TGFBR1: variants seen among roughly 807,000 people sequenced by gnomAD.
TGFBR1 encodes the protein transforming growth factor beta receptor 1.
In TGFBR1, 20 loss-of-function variants were observed where a neutral mutation model predicts 55.1. The ratio of observed to expected loss-of-function variants is 0.36; its 90% CI spans 0.26 to 0.53. The LOEUF is 0.53. Ranked by LOEUF, TGFBR1 falls within the 20% of genes least tolerant of loss-of-function variation. TGFBR1 has a pLI of 0.91. For synonymous variants in TGFBR1, 220 were observed against 214.8 expected, an observed-to-expected ratio of 1.02 and a Z score of -0.21; for missense variants, 385 against 617.6, an observed-to-expected ratio of 0.62 and a Z score of 3.99.
At chr9:99,141,120 T>C (rs1006306234) in intron 4 of TGFBR1, among the ~76,000 whole-genome samples, 117 of 152,352 alleles carry the variant, frequency 7.7e-4, no homozygotes, top group African/African-American at 2.6e-3. Flanking sequence ...ACCTGTGGTT[T>C]CCCTTTCTTC....
intron 6 of TGFBR1, among the ~76,000 whole-genome samples, chr9:99,146,194 G>A (rs1008433753): frequency 6.6e-6 from 1 of 152,028 alleles, no homozygotes; most frequent in Non-Finnish European, 1.5e-5. Context: ...GTGTATAGGT[G>A]GTGTACATTA....
In TGFBR1 at chr9:99,152,231, G is replaced by C. The variant is rs1827999144; in HGVS notation, c.*2926G>C. The C allele has an allele frequency of 1.4e-5, 3 of 213,190 alleles. No individual in the cohort carries two copies. The highest frequency in any genetic ancestry group is 2.8e-5 in the Non-Finnish European group (3 of 105,326). The allele number at this position is 213,190 out of a possible 1,614,324, so 13.2% of individuals were successfully genotyped here. A position where few individuals can be genotyped will look rare whatever the true frequency, so the allele number is the denominator to read the frequency against. On this transcript the variant is annotated 3_prime_UTR_variant, in exon 9 of 9. Coordinates refer to ENST00000374994, the MANE Select transcript of TGFBR1 (RefSeq NM_004612.4). ...AGAGGTGGAAGGGAGGGGTCTCCAA[G>C]TTTGGAGATTGAGCAGATGAGGCTT...
chr9:99,111,187 T>A (rs1396906288), intron 1 of TGFBR1, among the ~76,000 whole-genome samples: 4 of 152,088 alleles, frequency 2.6e-5, no homozygotes, highest in Non-Finnish European at 5.9e-5. Context: ...TCATAGCAAA[T>A]TCTTTTCTTC....
chr9:99,125,967 A>G (rs994221902), intron 1 of TGFBR1, among the ~76,000 whole-genome samples: 3 of 152,210 alleles, frequency 2.0e-5, no homozygotes, highest in African/African-American at 4.8e-5. Context: ...ACAGCAAGCT[A>G]TAAATAGATT....
At chr9:99,139,901 A>G (rs1429659825) in intron 4 of TGFBR1, among the ~76,000 whole-genome samples, 2 of 152,052 alleles carry the variant, frequency 1.3e-5, no homozygotes, top group Non-Finnish European at 2.9e-5. Flanking sequence ...CACATTCTGG[A>G]TTTTGCTGAT....
At chr9:99,118,105 A>T (rs1296758769) in intron 1 of TGFBR1, among the ~76,000 whole-genome samples, 1 of 152,154 alleles carries the variant, frequency 6.6e-6, no homozygotes, top group East Asian at 1.9e-4. Context: ...TTAGATTTTT[A>T]AAAAACGTTT....
intron 1 of TGFBR1, among the ~76,000 whole-genome samples, chr9:99,107,405 C>A (rs186304139): frequency 1.7e-3 from 252 of 152,334 alleles, no homozygotes; most frequent in African/African-American, 5.5e-3. Flanking sequence ...GATTCCTTAT[C>A]CCTAGTGCAC....
intron 2 of TGFBR1, among the ~76,000 whole-genome samples, chr9:99,130,686 A>G (rs1827196102): frequency 6.6e-6 from 1 of 152,224 alleles, no homozygotes; most frequent in African/African-American, 2.4e-5. Flanking sequence ...AAAATTACCA[A>G]TGAAAAGTTA....
chr9:99,116,097 G>T (rs370737287), intron 1 of TGFBR1, among the ~76,000 whole-genome samples: 4 of 149,496 alleles, frequency 2.7e-5, no homozygotes, highest in Admixed American at 2.7e-4. Flanking sequence ...CTCTTATTTC[G>T]ATGCATGTAT....
In TGFBR1 at chr9:99,147,774, A is replaced by C; in HGVS notation, c.1376A>C (p.Gln459Pro). The part of the protein sequence containing the change: ...KLRPNIPNRW[Q>P]SCEALRVMAK... ...AGGCCAAATATCCCAAACAGATGGC[A>C]GAGCTGTGAAGTGAGTATTTCTTTT... is the stretch of plus-strand genomic sequence containing the variant. The change falls in exon 8 of 9, where the codon CAG (glutamine) becomes CCG (proline). Residue 459 changes from glutamine (Q) to proline (P), a missense_variant. Around this residue, in one of 5 missense-constraint regions of TGFBR1, gnomAD observed 110 missense variants for 154.6 expected, o/e 0.71. Coordinates refer to ENST00000374994, the MANE Select transcript of TGFBR1 (RefSeq NM_004612.4). 1 of 1,613,844 alleles carries C rather than the reference A, an allele frequency of 6.2e-7. No homozygotes were observed. The highest frequency in any genetic ancestry group is 8.5e-7 in the Non-Finnish European group (1 of 1,179,816).
At position 99,105,150 on chromosome 9, in the gene TGFBR1, G is replaced by C; in HGVS notation, c.-56G>C. On this transcript the variant is annotated 5_prime_UTR_variant, in exon 1 of 9. Coordinates refer to ENST00000374994, the MANE Select transcript of TGFBR1 (RefSeq NM_004612.4). Reference sequence around the variant, plus strand: ...GGTGGGGCGAGGCGAGGTTTGCTGGGGTGAGGCAGCGGCGCGGCCGGGCCG... The same window carrying C: ...GGTGGGGCGAGGCGAGGTTTGCTGGCGTGAGGCAGCGGCGCGGCCGGGCCG... 2 of 1,081,278 alleles carry C rather than the reference G, an allele frequency of 1.8e-6. No homozygotes were observed. Among genetic ancestry groups the C allele is most frequent in the Non-Finnish European group, 2.2e-6 (2 of 890,564 alleles). The allele number at this position is 1,081,278 out of a possible 1,614,324, so 67.0% of individuals were successfully genotyped here. A position where few individuals can be genotyped will look rare whatever the true frequency, so the allele number is the denominator to read the frequency against.
At chr9:99,140,714 A>G (rs1827589582) in intron 4 of TGFBR1, among the ~76,000 whole-genome samples, 1 of 152,060 alleles carries the variant, frequency 6.6e-6, no homozygotes, top group Non-Finnish European at 1.5e-5. Flanking sequence ...ATAAGTGGTA[A>G]TTTCTTCCTT....
intron 3 of TGFBR1, among the ~76,000 whole-genome samples, chr9:99,137,044 A>T (rs575408946): frequency 3.3e-5 from 5 of 152,220 alleles, no homozygotes; most frequent in Non-Finnish European, 7.3e-5. Context: ...TTTTAAATGA[A>T]GTAAGTATGG....
At chr9:99,135,653 G>A (rs1009476825) in intron 3 of TGFBR1, among the ~76,000 whole-genome samples, 2 of 152,130 alleles carry the variant, frequency 1.3e-5, no homozygotes, top group African/African-American at 2.4e-5. Context: ...TTGTTATGGC[G>A]TGTGCAGCTT....
At chr9:99,134,289 T>C (rs1827352147) in intron 3 of TGFBR1, among the ~76,000 whole-genome samples, 1 of 152,186 alleles carries the variant, frequency 6.6e-6, no homozygotes, top group Non-Finnish European at 1.5e-5. Context: ...TCTCCTTGAC[T>C]ACTAGGACAC....
chr9:99,115,061 T>C (rs1564132004), intron 1 of TGFBR1, among the ~76,000 whole-genome samples: 1 of 152,194 alleles, frequency 6.6e-6, no homozygotes, highest in Non-Finnish European at 1.5e-5. Context: ...AGCATTCTGA[T>C]TTCATTGGGA....
upstream of TGFBR1, chr9:99,103,926 G>T (rs1191014955): frequency 6.6e-6 from 1 of 152,146 alleles, no homozygotes; most frequent in Non-Finnish European, 1.5e-5. Flanking sequence ...TGCTATCAAG[G>T]TTTATTTAAT....
At position 99,151,398 on chromosome 9, in the gene TGFBR1, T is replaced by G. The variant is rs202187266; in HGVS notation, c.*2093T>G. The G allele has an allele frequency of 1.8e-4, 28 of 158,968 alleles. No individual in the cohort carries two copies. The highest frequency in any genetic ancestry group is 4.3e-4 in the East Asian group (4 of 9,216). The allele number at this position is 158,968 out of a possible 1,614,324, so 9.8% of individuals were successfully genotyped here. A position where few individuals can be genotyped will look rare whatever the true frequency, so the allele number is the denominator to read the frequency against. On this transcript the variant is annotated 3_prime_UTR_variant, in exon 9 of 9. Transcript: ENST00000374994. The stretch of plus-strand genomic sequence containing the variant: ...TTTTTTTGTGGGGGTTTTTTTTTTG[T>G]TTTTTTTTTTTTGTTGTTGTTTTTG...
At chr9:99,111,898 C>T (rs774265690) in intron 1 of TGFBR1, among the ~76,000 whole-genome samples, 1 of 152,158 alleles carries the variant, frequency 6.6e-6, no homozygotes, top group Non-Finnish European at 1.5e-5. Context: ...TCAGTACTAG[C>T]AACCACAGGG....
Sources: gnomAD v4.1 joint callset for allele counts (sites outside exome capture counted in the v4.1 genomes callset) on GRCh38, gnomAD v4.1.1 for gene constraint, gnomAD v4.1.1 regional missense constraint, MANE v1.5 for transcripts, NCBI Gene and HGNC (gene_info 2026-07-23, HGNC 2026-07-21) for gene names.